MACROD2: variants seen among roughly 807,000 people sequenced by gnomAD.
MACROD2 encodes the protein mono-ADP ribosylhydrolase 2, also known as ADP-ribose glycohydrolase MACROD2.
MACROD2 carries 36 observed loss-of-function variants against 70.4 expected under a neutral mutation model. The observed-to-expected ratio is 0.51, with a 90% CI of 0.39 to 0.68. The LOEUF (loss-of-function observed/expected upper bound fraction) is 0.68, where lower values mean the gene tolerates loss of function less well. Ranked by LOEUF, MACROD2 falls within the 30% of genes least tolerant of loss-of-function variation. The pLI is 0.00. For synonymous variants in MACROD2, 172 were observed against 178.8 expected (o/e 0.96, Z 0.30); for missense variants, 496 against 538.4 (o/e 0.92, Z 0.78).
chr20:15,696,440 G>C (rs1478998290), intron 8 of MACROD2, among the ~76,000 whole-genome samples: 1 of 152,176 alleles, frequency 6.6e-6, no homozygotes, highest in Admixed American at 6.5e-5. Flanking sequence ...GTTGGATTCA[G>C]TTAGCTTGTA....
At chr20:15,919,954 ACATCAGGAGGTCTTAG>A in intron 10 of MACROD2, among the ~76,000 whole-genome samples, 1 of 152,348 alleles carries the variant, frequency 6.6e-6, no homozygotes, top group East Asian at 1.9e-4. Context: ...TTTAAATTCA[ACATCAGGAGGTCTTAG>A]CACTCCCTGC....
At chr20:14,800,785 A>C (rs2122138664) in intron 5 of MACROD2, among the ~76,000 whole-genome samples, 1 of 152,220 alleles carries the variant, frequency 6.6e-6, no homozygotes, top group South Asian at 2.1e-4. Flanking sequence ...TATAGTTACC[A>C]CTCCAGAATT....
rs181534718 is a variant in MACROD2, at chr20:14,110,715, T to C, written c.271+24987T>C. 2.0e-5 allele frequency among the ~76,000 whole-genome samples: 3 copies of C among 152,014 alleles called. No homozygotes were observed. In the East Asian group the frequency reaches 5.8e-4, roughly 29 times the overall value. On this transcript the variant is annotated intron_variant, in intron 3 of 17. Transcript: ENST00000684519. ...AACTATAAAACATTGATGCCAGAAA[T>C]TGAAGATAACACACACACAAAATGG... is the stretch of plus-strand genomic sequence containing the variant.
intron 8 of MACROD2, among the ~76,000 whole-genome samples, chr20:15,610,293 A>G (rs1325915926): frequency 1.4e-4 from 22 of 152,136 alleles, no homozygotes; most frequent in Admixed American, 1.4e-3. Flanking sequence ...AATAACAGAA[A>G]TGTATTCTCT....
At chr20:15,119,552 AC>A (rs2076015966) in intron 5 of MACROD2, among the ~76,000 whole-genome samples, 1 of 152,214 alleles carries the variant, frequency 6.6e-6, no homozygotes, top group Non-Finnish European at 1.5e-5. Context: ...ACTAACAAGA[AC>A]ATTACAGAGA....
At chr20:14,003,542 T>A (rs1271257855) in intron 2 of MACROD2, 5 of 318,550 alleles carry the variant, frequency 1.6e-5, no homozygotes, top group Non-Finnish European at 3.1e-5. Context: ...TTAAGAATGG[T>A]CTGATTCCAA....
intron 2 of MACROD2, among the ~76,000 whole-genome samples, chr20:14,031,526 T>C (rs779293185): frequency 1.3e-5 from 2 of 152,160 alleles, no homozygotes; most frequent in Non-Finnish European, 2.9e-5. Context: ...TAAAAAGATA[T>C]ATTAAAATGA....
At chr20:15,234,009 A>ATATATTTT (rs1555795277) in intron 6 of MACROD2, among the ~76,000 whole-genome samples, 3 of 39,994 alleles carry the variant, frequency 7.5e-5, no homozygotes, top group Non-Finnish European at 9.4e-5. Context: ...ATATATATAT[A>ATATATTTT]TTCTTTTTTT....
intron 10 of MACROD2, among the ~76,000 whole-genome samples, chr20:15,925,697 A>C (rs1189572085): frequency 6.6e-6 from 1 of 152,210 alleles, no homozygotes; most frequent in Non-Finnish European, 1.5e-5. Flanking sequence ...TGGAAGGCCC[A>C]GTGGCACCTA....
intron 6 of MACROD2, among the ~76,000 whole-genome samples, chr20:15,329,229 T>G (rs766964852): frequency 5.0e-4 from 76 of 152,102 alleles, no homozygotes; most frequent in Non-Finnish European, 2.8e-4. Context: ...GATACCATAA[T>G]GAAAAAGCTT....
intron 6 of MACROD2, among the ~76,000 whole-genome samples, chr20:15,414,573 A>C (rs1366932798): frequency 6.6e-6 from 1 of 152,150 alleles, no homozygotes; most frequent in Non-Finnish European, 1.5e-5. Context: ...GGATGAGAGG[A>C]GTTAGGTATT....
chr20:15,284,074 AAAT>A (rs1277753811), intron 6 of MACROD2, among the ~76,000 whole-genome samples: 1 of 152,190 alleles, frequency 6.6e-6, no homozygotes, highest in Non-Finnish European at 1.5e-5. Context: ...ATTTAATATT[AAAT>A]TTCTTTTCCT....
At chr20:15,312,055 T>G (rs2077758976) in intron 6 of MACROD2, among the ~76,000 whole-genome samples, 1 of 152,094 alleles carries the variant, frequency 6.6e-6, no homozygotes, top group African/African-American at 2.4e-5. Context: ...TAAAGAGAGA[T>G]AAAGTGACTA....
chr20:15,650,845 A>G (rs985051972), intron 8 of MACROD2, among the ~76,000 whole-genome samples: 3 of 152,116 alleles, frequency 2.0e-5, no homozygotes, highest in Non-Finnish European at 4.4e-5. Context: ...GCCATTCCAC[A>G]CCTTTTCAGA....
chr20:14,487,562 A>G (rs550807744), intron 3 of MACROD2, among the ~76,000 whole-genome samples: 4 of 152,302 alleles, frequency 2.6e-5, no homozygotes, highest in Admixed American at 1.3e-4. Flanking sequence ...TGTCCCAGAA[A>G]TATGGCTTTC....
In MACROD2 at chr20:15,451,456, G is replaced by A. The variant is rs1006070833; in HGVS notation, c.571+20021G>A. Among the ~76,000 whole-genome samples, 8 of 140,456 alleles carry A rather than the reference G, an allele frequency of 5.7e-5. No homozygotes were observed. In the East Asian group the frequency reaches 1.5e-3, roughly 26 times the overall value. 92.1% of individuals were successfully genotyped at this position (140,456 alleles called of 152,430 possible). A position where few individuals can be genotyped will look rare whatever the true frequency, so the allele number is the denominator to read the frequency against. ...AAAAAAAAAAAAAGAGTCACCTTTGGCCCTTTCTTCATCTTTGAAATACAC... is the reference window on the plus strand; with the variant it reads ...AAAAAAAAAAAAAGAGTCACCTTTGACCCTTTCTTCATCTTTGAAATACAC... On this transcript the variant is annotated intron_variant, in intron 7 of 17. Transcript: ENST00000684519.
At chr20:15,646,722 C>T (rs1274175347) in intron 8 of MACROD2, among the ~76,000 whole-genome samples, 1 of 152,136 alleles carries the variant, frequency 6.6e-6, no homozygotes, top group African/African-American at 2.4e-5. Flanking sequence ...AGAAGGGGCT[C>T]TTCTCCCTTC....
chr20:14,897,943 G>T (rs1851600341), intron 5 of MACROD2, among the ~76,000 whole-genome samples: 1 of 152,032 alleles, frequency 6.6e-6, no homozygotes, highest in Admixed American at 6.6e-5. Flanking sequence ...TGAGAAGTCT[G>T]CCCTCATGAA....
chr20:15,817,780 G>T (rs1031417092), intron 8 of MACROD2, among the ~76,000 whole-genome samples: 2 of 152,208 alleles, frequency 1.3e-5, no homozygotes, highest in Admixed American at 1.3e-4. Context: ...CCAGATGAAG[G>T]TTTTAAATTG....
Sources: gnomAD v4.1 joint callset for allele counts (sites outside exome capture counted in the v4.1 genomes callset) on GRCh38, gnomAD v4.1.1 for gene constraint, MANE v1.5 for transcripts, NCBI Gene and HGNC (gene_info 2026-07-23, HGNC 2026-07-21) for gene names.